The following UTP25 variants were observed in gnomAD, a reference collection of about 807,000 sequenced individuals.
The protein encoded by UTP25 is UTP25 small subunit processome component.
In UTP25, 50 loss-of-function variants were observed where a neutral mutation model predicts 78.9. The ratio of observed to expected loss-of-function variants is 0.63; its 90% confidence interval spans 0.50 to 0.80. UTP25 has a LOEUF of 0.80. UTP25 is among the 30% of genes least tolerant of loss of function. The probability of loss-of-function intolerance (pLI) is 0.00; values close to 1 mark genes in which losing one functional copy is unlikely to be tolerated. For synonymous variants in UTP25, 329 were observed against 336.5 expected (o/e 0.98, Z 0.24); for missense variants, 846 against 911.3 (o/e 0.93, Z 0.92).
Position 209,830,834 on chromosome 1 carries a change from G to A in UTP25, c.179G>A (p.Ser60Asn). The change falls in exon 3 of 12, where the codon AGC becomes AAC. Residue 60 changes from serine to asparagine, a missense_variant. Physicochemically the swap from Ser to Asn is conservative, Grantham distance 46. Coordinates refer to ENST00000491415, the MANE Select transcript of UTP25 (RefSeq NM_014388.7). ...SESSDSSDSESDSESEPQQVS... is the reference protein window; with the variant it reads ...SESSDSSDSENDSESEPQQVS... ...AGTTCAGATTCTTCAGATTCTGAAA[G>A]CGACTCAGAGAGTGAACCACAACAA... The A allele has an allele frequency of 6.2e-7, 1 of 1,613,974 alleles. No individual in the cohort carries two copies. The highest frequency in any genetic ancestry group is 8.5e-7 in the Non-Finnish European group (1 of 1,179,884).
At position 209,842,488 on chromosome 1, in the gene UTP25, T is replaced by G. The variant is rs763950422; in HGVS notation, c.1668+41T>G. 12 of 1,612,926 alleles carry G rather than the reference T, an allele frequency of 7.4e-6. No individual in the cohort carries two copies. In the Admixed American group the frequency reaches 8.3e-5, roughly 11 times the overall value. ...GTTTCCTCAGTATCTTCATGAGCAC[T>G]GTTTATTGTTTGGGTCCTGAGGTAG... On this transcript the variant is annotated intron_variant, in intron 9 of 11. Coordinates refer to ENST00000491415, the MANE Select transcript of UTP25 (RefSeq NM_014388.7).
intron 1 of UTP25, 139 bp from the exon 2 acceptor site, chr1:209,829,969 A>T (rs943656873): frequency 1.5e-6 from 1 of 659,102 alleles, no homozygotes; most frequent in African/African-American, 1.9e-5. Flanking sequence ...GCCCAAGTGC[A>T]TGTGTAATTT....
chr1:209,833,102 G>T, intron 3 of UTP25, 83 bp from the exon 4 acceptor site: 1 of 1,288,980 alleles, frequency 7.8e-7, no homozygotes, highest in South Asian at 1.4e-5. Flanking sequence ...GCTATTGTTG[G>T]TATAGCCTAA....
At chr1:209,838,071 A>G (rs2078144271) in intron 6 of UTP25, among the ~76,000 whole-genome samples, 1 of 152,212 alleles carries the variant, frequency 6.6e-6, no homozygotes, top group African/African-American at 2.4e-5. Context: ...TTGGTCCACC[A>G]TCTCTGCAAC....
intron 6 of UTP25, 110 bp downstream of exon 6, chr1:209,837,321 A>C (rs984841835): frequency 7.9e-7 from 1 of 1,272,116 alleles, no homozygotes; most frequent in Non-Finnish European, 1.1e-6. Flanking sequence ...GACTGGCATA[A>C]TGAATGAGCC....
chr1:209,835,093 T>C lies in UTP25; in HGVS notation c.581T>C (p.Val194Ala). ...KASQDPFLQHVNKELKEKAIQ... is the reference protein window; with the variant it reads ...KASQDPFLQHANKELKEKAIQ... ...GAATTAGATCCATTTCTTCAACATG[T>C]GAACAAAGAACTGAAAGAAAAAGCA... Residue 194 changes from valine to alanine, a missense_variant, in exon 5 of 12, where the codon GTG (valine) becomes GCG (alanine). Transcript: ENST00000491415. 2 of 1,613,456 alleles carry C rather than the reference T, an allele frequency of 1.2e-6. No homozygotes were observed. The highest frequency in any genetic ancestry group is 1.7e-6 in the Non-Finnish European group (2 of 1,179,570).
rs1269379069 is a variant in UTP25 at position 209,853,583 on chromosome 1, CTT to C, written c.*2137_*2138del. On this transcript the variant is annotated 3_prime_UTR_variant, in exon 12 of 12. Transcript: ENST00000491415. The stretch of plus-strand genomic sequence containing the variant: ...ATGTTGGCCAGGCTGGTCTCAAACT[CTT>C]GACCTCAAGTGATCTGCCCACCTCA... 1 of 152,282 alleles carries C rather than the reference CTT, an allele frequency of 6.6e-6. No homozygotes were observed. The highest frequency in any genetic ancestry group is 6.5e-5 in the Admixed American group (1 of 15,288). The allele number at this position is 152,282 out of a possible 1,614,324, so 9.4% of individuals were successfully genotyped here.
intron 4 of UTP25, among the ~76,000 whole-genome samples, chr1:209,834,847 A>G (rs930002905): frequency 9.2e-5 from 14 of 152,172 alleles, no homozygotes; most frequent in Admixed American, 2.6e-4. Context: ...CAGGCTGAGA[A>G]GTTTCTTCAA....
In UTP25 at chr1:209,853,746, T is replaced by C. The variant is rs1291164385; in HGVS notation, c.*2299T>C. On this transcript the variant is annotated 3_prime_UTR_variant, in exon 12 of 12. Coordinates refer to ENST00000491415, the MANE Select transcript of UTP25 (RefSeq NM_014388.7). ...TTTCCATTATTACTATTCACACGAC[T>C]CCCAAATCTCCAGCTTCTCTGGCTC... is the stretch of plus-strand genomic sequence containing the variant. 1 of 152,228 alleles carries C rather than the reference T, an allele frequency of 6.6e-6. No homozygotes were observed. Among genetic ancestry groups the C allele is most frequent in the Non-Finnish European group, 1.5e-5 (1 of 68,042 alleles). The allele number at this position is 152,228 out of a possible 1,614,324, so 9.4% of individuals were successfully genotyped here.
intron 4 of UTP25, among the ~76,000 whole-genome samples, chr1:209,834,541 T>C (rs1248811010): frequency 6.6e-6 from 1 of 152,006 alleles, no homozygotes; most frequent in African/African-American, 2.4e-5. Flanking sequence ...TATATATGTA[T>C]ATGTGTTGGA....
At chr1:209,838,677 T>C in intron 6 of UTP25, 2 of 564,186 alleles carry the variant, frequency 3.5e-6, no homozygotes, top group Non-Finnish European at 6.3e-6. Flanking sequence ...GAGAAATGTC[T>C]CACGTGGACT....
intron 7 of UTP25, among the ~76,000 whole-genome samples, chr1:209,839,649 A>T (rs1482764441): frequency 1.3e-5 from 2 of 152,204 alleles, no homozygotes; most frequent in Admixed American, 1.3e-4. Flanking sequence ...TTGGTTGGTT[A>T]TACCTTTTAT....
At position 209,842,343 on chromosome 1, in the gene UTP25, A is replaced by C. The variant is rs376415152; in HGVS notation, c.1564A>C (p.Asn522His). Residue 522 changes from asparagine (N) to histidine (H), a missense_variant, in exon 9 of 12, where the codon AAT becomes CAT. Transcript: ENST00000491415. The part of the protein sequence containing the change: ...DFSRVRMWSL[N>H]NWSKYYRQTL... Reference sequence around the variant, plus strand: ...TTCTCGAGTGCGGATGTGGAGCCTCAATAATTGGTCCAAGTACTATCGCCA... The same window carrying C: ...TTCTCGAGTGCGGATGTGGAGCCTCCATAATTGGTCCAAGTACTATCGCCA... The C allele has an allele frequency of 1.7e-5, 27 of 1,614,036 alleles. 1 individual carries two copies. Among genetic ancestry groups the C allele is most frequent in the Admixed American group, 5.0e-5 (3 of 60,010 alleles).
At chr1:209,845,805 G>C (rs1483765941) in intron 11 of UTP25, among the ~76,000 whole-genome samples, 1 of 55,814 alleles carries the variant, frequency 1.8e-5, no homozygotes, top group East Asian at 5.0e-4. Flanking sequence ...GTGCCTTTGT[G>C]ATTTTTTTTT....
rs2078254673 is a variant in UTP25, at chr1:209,853,714, C to T, written c.*2267C>T. 1 of 152,218 alleles carries T rather than the reference C, an allele frequency of 6.6e-6. No homozygotes were observed. The highest frequency in any genetic ancestry group is 6.5e-5 in the Admixed American group (1 of 15,286). 9.4% of individuals were successfully genotyped at this position (152,218 alleles called of 1,614,324 possible). The stretch of plus-strand genomic sequence containing the variant: ...CTTTTGCCTGTGAATTGTAGTTCAT[C>T]TCGTGGTTTCCATTATTACTATTCA... On this transcript the variant is annotated 3_prime_UTR_variant, in exon 12 of 12. Coordinates refer to ENST00000491415, the MANE Select transcript of UTP25 (RefSeq NM_014388.7).
chr1:209,841,056 G>A lies in UTP25; in HGVS notation c.1485+1G>A. On this transcript the variant is annotated splice_donor_variant, in intron 8 of 11. Coordinates refer to ENST00000491415, the MANE Select transcript of UTP25 (RefSeq NM_014388.7). LOFTEE classifies it high-confidence loss of function. ...GATGCAGAACTGGGAGCATGTCCTG[G>A]TAATGCTGGCCATTCACATTCAGTG... 1 of 1,613,818 alleles carries A rather than the reference G, an allele frequency of 6.2e-7. No homozygotes were observed. The highest frequency in any genetic ancestry group is 1.7e-5 in the Admixed American group (1 of 60,004).
chr1:209,831,947 T>C (rs2078105964), intron 3 of UTP25, among the ~76,000 whole-genome samples: 1 of 152,178 alleles, frequency 6.6e-6, no homozygotes, highest in Admixed American at 6.5e-5. Flanking sequence ...TATAGCTGGG[T>C]GACTTTTTAC....
rs201097110 is a variant in UTP25, at chr1:209,838,877, C to T, written c.1063-32C>T. ...CTCAAGATCCTGTTCCTTCCTCTTA[C>T]CCCACTAAGGCTGCTGTTGCTGTCT... is the stretch of plus-strand genomic sequence containing the variant. On this transcript the variant is annotated intron_variant, in intron 6 of 11. Coordinates refer to ENST00000491415, the MANE Select transcript of UTP25 (RefSeq NM_014388.7). The T allele has an allele frequency of 1.7e-4, 267 of 1,608,488 alleles. 1 individual carries two copies. The highest frequency in any genetic ancestry group is 3.3e-4 in the Admixed American group (20 of 59,982).
intron 11 of UTP25, 64 bp downstream of exon 11, chr1:209,843,760 G>A (rs966109612): frequency 1.3e-6 from 2 of 1,554,716 alleles, no homozygotes; most frequent in Non-Finnish European, 1.7e-6. Context: ...ATCATGGCCT[G>A]CTCTGAATGC....
Sources: gnomAD v4.1 joint callset for allele counts (sites outside exome capture counted in the v4.1 genomes callset) on GRCh38, gnomAD v4.1.1 for gene constraint, MANE v1.5 for transcripts, NCBI Gene and HGNC (gene_info 2026-07-23, HGNC 2026-07-21) for gene names.